PDHX: variants seen among roughly 807,000 people sequenced by gnomAD.
PDHX encodes pyruvate dehydrogenase protein X component, mitochondrial.
PDHX carries 33 observed loss-of-function variants against 55.3 expected under a neutral mutation model. That is an observed-to-expected ratio of 0.60 (90% CI 0.45 to 0.80). The LOEUF is 0.80. Ranked by LOEUF, PDHX falls within the 30% of genes least tolerant of loss-of-function variation. The pLI, the probability that PDHX is intolerant of heterozygous loss-of-function variation, is 0.00. For missense variants in PDHX, 622 were observed against 619.9 expected, an observed-to-expected ratio of 1.00 and a Z score of -0.04; for synonymous variants, 226 against 219.4, an observed-to-expected ratio of 1.03 and a Z score of -0.27.
intron 3 of PDHX, among the ~76,000 whole-genome samples, chr11:34,955,370 A>G (rs1854881688): frequency 6.6e-6 from 1 of 152,190 alleles, no homozygotes; most frequent in Non-Finnish European, 1.5e-5. Flanking sequence ...ACACCTCTGA[A>G]AGATCTCTGC....
At chr11:34,986,622 A>G (rs1462538618) in intron 9 of PDHX, among the ~76,000 whole-genome samples, 1 of 152,198 alleles carries the variant, frequency 6.6e-6, no homozygotes. Context: ...CAATTTACCA[A>G]ATTTACTGCT....
At chr11:34,967,900 G>T (rs1374196644) in intron 6 of PDHX, among the ~76,000 whole-genome samples, 1 of 152,152 alleles carries the variant, frequency 6.6e-6, no homozygotes, top group African/African-American at 2.4e-5. Flanking sequence ...TATATTGAGT[G>T]TATAGTCCAC....
chr11:34,992,043 CATA>C (rs1403416679), intron 9 of PDHX, among the ~76,000 whole-genome samples: 1 of 151,360 alleles, frequency 6.6e-6, no homozygotes, highest in African/African-American at 2.4e-5. Context: ...AAGCATTTTG[CATA>C]ATAATTGATG....
chr11:34,945,262 T>TA (rs1854595052), intron 2 of PDHX, among the ~76,000 whole-genome samples: 1 of 152,208 alleles, frequency 6.6e-6, no homozygotes, highest in Non-Finnish European at 1.5e-5. Flanking sequence ...GTTTGAGTTT[T>TA]ACACTTTTTA....
At chr11:34,964,029 C>T (rs1855077259) in intron 5 of PDHX, among the ~76,000 whole-genome samples, 1 of 152,202 alleles carries the variant, frequency 6.6e-6, no homozygotes, top group South Asian at 2.1e-4. Flanking sequence ...AAATGAATTG[C>T]TCTCTCAGGG....
upstream of PDHX, chr11:34,916,086 G>A: frequency 1.8e-6 from 2 of 1,108,300 alleles, no homozygotes; most frequent in Non-Finnish European, 1.2e-6. Flanking sequence ...GTCGCGGTGC[G>A]CCGGGGTAGC....
chr11:34,945,485 A>G (rs1234328149), intron 2 of PDHX, among the ~76,000 whole-genome samples: 1 of 152,116 alleles, frequency 6.6e-6, no homozygotes, highest in Non-Finnish European at 1.5e-5. Context: ...TTCTCAAATG[A>G]TGGTTTGGCA....
At chr11:34,983,427 A>G (rs900032323) in intron 8 of PDHX, among the ~76,000 whole-genome samples, 1 of 152,220 alleles carries the variant, frequency 6.6e-6, no homozygotes, top group Non-Finnish European at 1.5e-5. Context: ...TGGCGAGGGC[A>G]ATCAGGCAGG....
chr11:34,917,429 A>C (rs959520370), intron 1 of PDHX, among the ~76,000 whole-genome samples: 4 of 152,192 alleles, frequency 2.6e-5, no homozygotes, highest in Admixed American at 2.6e-4. Context: ...TTATTATAGA[A>C]AATTGTTGTT....
In PDHX at chr11:34,947,935, C is replaced by T. The variant is rs534133572; in HGVS notation, c.342+329C>T. On this transcript the variant is annotated intron_variant, in intron 3 of 10. Transcript: ENST00000227868. ...TGTGTGGTATATTCCCTGATTGAGC[C>T]AACCAGCGTGTTTGTTTCTTAACTT... is the stretch of plus-strand genomic sequence containing the variant. Among the ~76,000 whole-genome samples, 14 of 152,250 alleles carry T rather than the reference C, an allele frequency of 9.2e-5. 1 individual carries two copies. The South Asian group carries it at 2.9e-3, about 32-fold the overall frequency.
Position 34,966,722 on chromosome 11 carries a change from A to G in PDHX, c.724A>G (p.Thr242Ala). 6.2e-7 allele frequency: 1 copy of G among 1,614,104 alleles called. No individual in the cohort carries two copies. The highest frequency in any genetic ancestry group is 8.5e-7 in the Non-Finnish European group (1 of 1,179,980). The change falls in exon 6 of 11, where the codon ACA becomes GCA. Residue 242 changes from threonine (T) to alanine (A), a missense_variant. Thr to Ala is a moderately conservative substitution (Grantham distance 58). Coordinates refer to ENST00000227868, the MANE Select transcript of PDHX (RefSeq NM_003477.3). ...AACTCCAGCCCCCACAGCCACTCCC[A>G]CAGCACCTTCGCCCCTACAGGCCAC... ...RPTPAPTATP[T>A]APSPLQATAG...
chr11:34,975,261 C>T (rs969833843), intron 7 of PDHX, among the ~76,000 whole-genome samples: 2 of 151,902 alleles, frequency 1.3e-5, no homozygotes, highest in Non-Finnish European at 2.9e-5. Context: ...GGGTTTCTCT[C>T]AGCTTCTTAG....
At chr11:34,944,145 T>G in intron 2 of PDHX, among the ~76,000 whole-genome samples, 1 of 151,052 alleles carries the variant, frequency 6.6e-6, no homozygotes, top group East Asian at 1.9e-4. Context: ...TTAGACAGAG[T>G]TTTTGCTCTT....
chr11:34,937,964 A>G (rs141153895), intron 2 of PDHX, among the ~76,000 whole-genome samples: 1 of 152,370 alleles, frequency 6.6e-6, no homozygotes, highest in Admixed American at 6.5e-5. Flanking sequence ...AGTAGGCATA[A>G]CAAGCAGCAG....
Position 34,995,402 on chromosome 11 carries a change from A to T in PDHX, c.*230A>T. On this transcript the variant is annotated 3_prime_UTR_variant, in exon 11 of 11. Coordinates refer to ENST00000227868, the MANE Select transcript of PDHX (RefSeq NM_003477.3). ...AATAAAGGAAAGAGAATATTTGGTT[A>T]CTCAGATCCATTTTTAACCTCTGGT... 2.0e-6 allele frequency: 1 copy of T among 494,090 alleles called. No individual in the cohort carries two copies. Among genetic ancestry groups the T allele is most frequent in the South Asian group, 2.1e-5 (1 of 48,540 alleles). 30.6% of individuals were successfully genotyped at this position (494,090 alleles called of 1,614,324 possible).
At chr11:34,978,550 A>G (rs1275340328) in intron 8 of PDHX, among the ~76,000 whole-genome samples, 1 of 152,136 alleles carries the variant, frequency 6.6e-6, no homozygotes, top group Non-Finnish European at 1.5e-5. Context: ...CAAAGTAACT[A>G]GGGGTGATTT....
At chr11:34,994,044 G>C (rs1590776625) in intron 10 of PDHX, among the ~76,000 whole-genome samples, 1 of 152,246 alleles carries the variant, frequency 6.6e-6, no homozygotes. Flanking sequence ...ATAGCAACTT[G>C]TATGTAGAGT....
chr11:34,985,619 T>C (rs1372840288), intron 9 of PDHX, among the ~76,000 whole-genome samples: 2 of 152,150 alleles, frequency 1.3e-5, no homozygotes, highest in African/African-American at 4.8e-5. Flanking sequence ...TTTCCAAGGG[T>C]ATTTTTTGAC....
intron 10 of PDHX, among the ~76,000 whole-genome samples, chr11:34,992,613 G>A (rs1464467120): frequency 6.6e-6 from 1 of 152,076 alleles, no homozygotes; most frequent in East Asian, 1.9e-4. Context: ...GACTAACATG[G>A]AATGATAAAT....
Sources: gnomAD v4.1 joint callset for allele counts (sites outside exome capture counted in the v4.1 genomes callset) on GRCh38, gnomAD v4.1.1 for gene constraint, MANE v1.5 for transcripts, NCBI Gene and HGNC (gene_info 2026-07-23, HGNC 2026-07-21) for gene names.